The following FGF12 variants were observed in gnomAD, a reference collection of about 807,000 sequenced individuals.
The protein encoded by FGF12 is fibroblast growth factor 12.
Under a neutral mutation model 23.6 loss-of-function variants are expected in FGF12, and 14 were observed. That is an observed-to-expected ratio of 0.59 (90% CI 0.39 to 0.93). The LOEUF (loss-of-function observed/expected upper bound fraction) is 0.93, where lower values mean the gene tolerates loss of function less well. Among genes scored for constraint, FGF12 ranks in the 40% least tolerant of loss-of-function variants. The pLI is 0.00. For synonymous variants in FGF12, 62 were observed against 77.3 expected (o/e 0.80, Z 1.04); for missense variants, 175 against 217.8 (o/e 0.80, Z 1.24).
At chr3:192,548,253 T>C (rs1317100850) in intron 2 of FGF12, among the ~76,000 whole-genome samples, 1 of 152,146 alleles carries the variant, frequency 6.6e-6, no homozygotes, top group Non-Finnish European at 1.5e-5. Context: ...TAGATAACAT[T>C]AAGCAACTTA....
intron 2 of FGF12, among the ~76,000 whole-genome samples, chr3:192,445,352 C>T (rs1482749504): frequency 6.6e-6 from 1 of 152,204 alleles, no homozygotes; most frequent in Non-Finnish European, 1.5e-5. Context: ...CTGTGCGCTC[C>T]AGTTAGAGAC....
intron 2 of FGF12, among the ~76,000 whole-genome samples, chr3:192,633,225 T>C (rs111709927): frequency 1.3e-5 from 2 of 152,196 alleles, no homozygotes; most frequent in African/African-American, 4.8e-5. Context: ...TTTGTATTTT[T>C]AGTAGAGACA....
chr3:192,167,770 A>AT (rs1421281367), intron 5 of FGF12, among the ~76,000 whole-genome samples: 139 of 9,094 alleles, frequency 0.015, 15 homozygotes, highest in African/African-American at 0.023. Context: ...TATATATATA[A>AT]AATTTTTTTT....
intron 4 of FGF12, among the ~76,000 whole-genome samples, chr3:192,213,063 A>C (rs1718016647): frequency 6.6e-6 from 1 of 152,196 alleles, no homozygotes; most frequent in Non-Finnish European, 1.5e-5. Flanking sequence ...ATGATGTGCC[A>C]ATCTTTATCA....
In FGF12 at chr3:192,443,243, C is replaced by T. The variant is rs371792278; in HGVS notation, c.14-82705G>A. ...GCATATCCATCCTCTTTGGAAAATA[C>T]GTAAACATCATAGTATTCAGAGATA... On this transcript the variant is annotated intron_variant, in intron 2 of 5. Transcript: ENST00000445105. 2.0e-3 allele frequency among the ~76,000 whole-genome samples: 298 copies of T among 152,246 alleles called. 1 individual carries two copies. Among genetic ancestry groups the T allele is most frequent in the Middle Eastern group, 3.4e-3 (1 of 292 alleles).
chr3:192,380,739 G>C (rs1719780506), intron 2 of FGF12, among the ~76,000 whole-genome samples: 1 of 152,060 alleles, frequency 6.6e-6, no homozygotes, highest in Non-Finnish European at 1.5e-5. Flanking sequence ...CATTTCACCA[G>C]AATGGCTTTC....
At chr3:192,591,620 A>G (rs1381139517) in intron 2 of FGF12, among the ~76,000 whole-genome samples, 1 of 151,904 alleles carries the variant, frequency 6.6e-6, no homozygotes, top group Admixed American at 6.6e-5. Context: ...TTTCTCATGC[A>G]TCATTTACTC....
At chr3:192,404,284 G>T (rs1203818814) in intron 2 of FGF12, among the ~76,000 whole-genome samples, 1 of 152,088 alleles carries the variant, frequency 6.6e-6, no homozygotes, top group Non-Finnish European at 1.5e-5. Context: ...TCCAGAGAGG[G>T]TCTCATTTGA....
At position 192,636,299 on chromosome 3, in the gene FGF12, A is replaced by G. The variant is rs992277848; in HGVS notation, c.13+90882T>C. Among the ~76,000 whole-genome samples the G allele has an allele frequency of 7.2e-5, 11 of 152,338 alleles. No individual in the cohort carries two copies. The South Asian group carries it at 1.7e-3, about 23-fold the overall frequency. ...ACTAGTCAAATGTTTGAAATTAAATAAAAGTTGAAATTTATTTCCTTGGTT... is the reference window on the plus strand; with the variant it reads ...ACTAGTCAAATGTTTGAAATTAAATGAAAGTTGAAATTTATTTCCTTGGTT... On this transcript the variant is annotated intron_variant, in intron 2 of 5. Coordinates refer to ENST00000445105, the MANE Select transcript of FGF12 (RefSeq NM_004113.6).
intron 2 of FGF12, among the ~76,000 whole-genome samples, chr3:192,415,626 T>C (rs1185946994): frequency 6.6e-6 from 1 of 151,958 alleles, no homozygotes; most frequent in African/African-American, 2.4e-5. Flanking sequence ...ATATTAAATC[T>C]GATATCCTCA....
chr3:192,363,376 T>A (rs1157349443), intron 2 of FGF12, among the ~76,000 whole-genome samples: 3 of 152,152 alleles, frequency 2.0e-5, no homozygotes, highest in Admixed American at 6.5e-5. Flanking sequence ...TTTGCCCTGG[T>A]GGAGCCATCC....
chr3:192,621,108 C>A (rs1456589480), intron 2 of FGF12, among the ~76,000 whole-genome samples: 1 of 152,130 alleles, frequency 6.6e-6, no homozygotes, highest in Non-Finnish European at 1.5e-5. Context: ...GACTTTAAAT[C>A]CATTAAAAAC....
chr3:192,143,865 T>C lies in FGF12; in HGVS notation c.*144A>G, dbSNP rs1713542831. On this transcript the variant is annotated 3_prime_UTR_variant, in exon 6 of 6. Coordinates refer to ENST00000445105, the MANE Select transcript of FGF12 (RefSeq NM_004113.6). ...TTTTCTTGTCCTACACAAAGGAAGA[T>C]TTTGAGTGCAGAATCTTAGCCACTA... 1 of 585,088 alleles carries C rather than the reference T, an allele frequency of 1.7e-6. No individual in the cohort carries two copies. Among genetic ancestry groups the C allele is most frequent in the Non-Finnish European group, 3.1e-6 (1 of 327,260 alleles). 36.2% of individuals were successfully genotyped at this position (585,088 alleles called of 1,614,324 possible). A position where few individuals can be genotyped will look rare whatever the true frequency, so the allele number is the denominator to read the frequency against.
intron 2 of FGF12, among the ~76,000 whole-genome samples, chr3:192,385,707 T>A (rs1224120421): frequency 6.6e-6 from 1 of 152,154 alleles, no homozygotes; most frequent in Non-Finnish European, 1.5e-5. Context: ...TTGGTGAACC[T>A]TCAGGCCAGG....
At chr3:192,273,484 T>C (rs1249419875) in intron 4 of FGF12, among the ~76,000 whole-genome samples, 1 of 152,114 alleles carries the variant, frequency 6.6e-6, no homozygotes, top group Non-Finnish European at 1.5e-5. Context: ...AGGCAATATT[T>C]AGAGTTCTTC....
chr3:192,368,764 A>C (rs529300857), intron 2 of FGF12, among the ~76,000 whole-genome samples: 3 of 152,300 alleles, frequency 2.0e-5, no homozygotes, highest in East Asian at 1.9e-4. Context: ...TGCTACAACA[A>C]CAAAGGTAAG....
rs116470082 is a variant in FGF12 at position 192,436,310 on chromosome 3, A to G, written c.14-75772T>C. 5.8e-3 allele frequency among the ~76,000 whole-genome samples: 882 copies of G among 152,336 alleles called. 8 individuals carry two copies. The highest frequency in any genetic ancestry group is 0.01 in the Middle Eastern group (3 of 294). ...GCGCCTAGCTTTGCCTCTGGGATAC[A>G]GTGGTACTGAGAATCAGAGCTTACT... On this transcript the variant is annotated intron_variant, in intron 2 of 5. Coordinates refer to ENST00000445105, the MANE Select transcript of FGF12 (RefSeq NM_004113.6).
chr3:192,209,960 A>C (rs1340950527), intron 4 of FGF12, among the ~76,000 whole-genome samples: 2 of 151,444 alleles, frequency 1.3e-5, no homozygotes, highest in Admixed American at 6.6e-5. Context: ...CTTTGATTAA[A>C]GATAAAAAAA....
At chr3:192,461,612 T>C (rs1049410967) in intron 2 of FGF12, among the ~76,000 whole-genome samples, 3 of 152,240 alleles carry the variant, frequency 2.0e-5, no homozygotes, top group Non-Finnish European at 2.9e-5. Context: ...ACTGAGATTA[T>C]AACTGAATTC....
Sources: gnomAD v4.1 joint callset for allele counts (sites outside exome capture counted in the v4.1 genomes callset) on GRCh38, gnomAD v4.1.1 for gene constraint, MANE v1.5 for transcripts, NCBI Gene and HGNC (gene_info 2026-07-23, HGNC 2026-07-21) for gene names.